KSR2: variants seen among roughly 807,000 people sequenced by gnomAD.
KSR2 encodes the protein kinase suppressor of ras 2.
Under a neutral mutation model 107.8 loss-of-function variants are expected in KSR2, and 25 were observed. That is an observed-to-expected ratio of 0.23 (90% confidence interval 0.17 to 0.32). The LOEUF is 0.32. Among genes scored for constraint, KSR2 ranks in the 10% least tolerant of loss-of-function variants. The pLI is 1.00. For synonymous variants in KSR2, 480 were observed against 507.0 expected (o/e 0.95, Z 0.71); for missense variants, 887 against 1,268.9 (o/e 0.70, Z 4.57).
At chr12:117,731,451 G>A (rs1257414048) in intron 4 of KSR2, among the ~76,000 whole-genome samples, 3 of 144,054 alleles carry the variant, frequency 2.1e-5, no homozygotes, top group Middle Eastern at 3.6e-3. Context: ...CGCCCCGTCC[G>A]GGAGGTGGGG....
At chr12:117,645,427 T>A (rs1467783066) in intron 5 of KSR2, among the ~76,000 whole-genome samples, 1 of 152,186 alleles carries the variant, frequency 6.6e-6, no homozygotes, top group African/African-American at 2.4e-5. Context: ...CAGGTGTCCC[T>A]CTTTTGATAA....
At chr12:117,509,861 G>T (rs1184112932) in intron 14 of KSR2, among the ~76,000 whole-genome samples, 1 of 152,178 alleles carries the variant, frequency 6.6e-6, no homozygotes, top group African/African-American at 2.4e-5. Flanking sequence ...CTTTTGAAGA[G>T]GACTCGAAGT....
At chr12:117,742,721 G>C (rs1301515400) in intron 4 of KSR2, among the ~76,000 whole-genome samples, 1 of 152,216 alleles carries the variant, frequency 6.6e-6, no homozygotes, top group African/African-American at 2.4e-5. Flanking sequence ...AAGAGGTAGA[G>C]GTTCCAGACT....
intron 6 of KSR2, 120 bp from the exon 7 acceptor site, chr12:117,579,322 G>T (rs189264152): frequency 1.4e-6 from 1 of 737,186 alleles, no homozygotes; most frequent in East Asian, 2.7e-5. Flanking sequence ...TGTTTCTTTC[G>T]AGCTGTGTGA....
intron 4 of KSR2, among the ~76,000 whole-genome samples, chr12:117,740,983 G>A (rs752262067): frequency 3.3e-5 from 5 of 152,162 alleles, no homozygotes; most frequent in Non-Finnish European, 5.9e-5. Context: ...AGGAAGCGGT[G>A]AGGAGGGAAA....
At chr12:117,823,105 A>C (rs1891621151) in intron 3 of KSR2, among the ~76,000 whole-genome samples, 2 of 147,910 alleles carry the variant, frequency 1.4e-5, no homozygotes, top group South Asian at 4.3e-4. Flanking sequence ...TGAGAATGGC[A>C]TTCAAGGAAC....
At chr12:117,593,864 C>T (rs1475818124) in intron 5 of KSR2, among the ~76,000 whole-genome samples, 1 of 152,240 alleles carries the variant, frequency 6.6e-6, no homozygotes, top group African/African-American at 2.4e-5. Context: ...GGAAAGAAGC[C>T]ATGACTGTAG....
At chr12:117,910,098 G>C (rs1295850169) in intron 1 of KSR2, among the ~76,000 whole-genome samples, 1 of 152,036 alleles carries the variant, frequency 6.6e-6, no homozygotes, top group Non-Finnish European at 1.5e-5. Context: ...AGGCATGGTG[G>C]TGTGTGCCTG....
chr12:117,880,754 G>A (rs1011043248), intron 1 of KSR2, among the ~76,000 whole-genome samples: 3 of 117,024 alleles, frequency 2.6e-5, no homozygotes, highest in East Asian at 2.4e-4. Flanking sequence ...TGAAACCTCC[G>A]CCTCCCAGGT....
intron 4 of KSR2, 118 bp from the exon 5 acceptor site, chr12:117,667,776 A>G (rs1281977367): frequency 2.5e-6 from 2 of 815,476 alleles, no homozygotes; most frequent in Admixed American, 3.0e-5. Context: ...GGGAGAAATT[A>G]GAAGAGCCCA....
At chr12:117,682,389 C>T (rs1436617270) in intron 4 of KSR2, among the ~76,000 whole-genome samples, 1 of 152,068 alleles carries the variant, frequency 6.6e-6, no homozygotes, top group Non-Finnish European at 1.5e-5. Flanking sequence ...TGTGACAAAC[C>T]TGCATGTCCT....
chr12:117,899,869 C>A (rs542241333), intron 1 of KSR2, among the ~76,000 whole-genome samples: 1 of 152,200 alleles, frequency 6.6e-6, no homozygotes, highest in South Asian at 2.1e-4. Flanking sequence ...CACACAGCAA[C>A]GAGCAACTTG....
chr12:117,726,632 G>T (rs1299545606), intron 4 of KSR2, among the ~76,000 whole-genome samples: 1 of 152,178 alleles, frequency 6.6e-6, no homozygotes, highest in Non-Finnish European at 1.5e-5. Flanking sequence ...TTGTCTAGGG[G>T]ACAAAATTCA....
intron 4 of KSR2, among the ~76,000 whole-genome samples, chr12:117,709,417 G>A (rs576464854): frequency 1.3e-5 from 2 of 152,148 alleles, no homozygotes; most frequent in East Asian, 3.9e-4. Flanking sequence ...CACTACTCCC[G>A]GGCTCAAGTG....
intron 1 of KSR2, among the ~76,000 whole-genome samples, chr12:117,877,808 A>T (rs1302501803): frequency 6.6e-6 from 1 of 152,158 alleles, no homozygotes; most frequent in African/African-American, 2.4e-5. Flanking sequence ...TTAAAAATAC[A>T]CATGCCAAGC....
Position 117,682,624 on chromosome 12 carries a change from G to C in KSR2, c.987-14966C>G, listed in dbSNP as rs201912867. Among the ~76,000 whole-genome samples the C allele has an allele frequency of 2.6e-5, 4 of 152,122 alleles. No homozygotes were observed. In the East Asian group the frequency reaches 7.7e-4, roughly 29 times the overall value. On this transcript the variant is annotated intron_variant, in intron 4 of 19. Transcript: ENST00000339824. ...TAGTGAGACGGGGTTTCTCCATGTT[G>C]GTCAGGCTGGTCTCAAACTCCCGAC... is the stretch of plus-strand genomic sequence containing the variant.
intron 5 of KSR2, among the ~76,000 whole-genome samples, chr12:117,643,453 A>G (rs1447532367): frequency 6.6e-6 from 1 of 152,206 alleles, no homozygotes; most frequent in Non-Finnish European, 1.5e-5. Flanking sequence ...TCTCAAAAAC[A>G]AAACAAAACA....
At chr12:117,623,191 C>T (rs1882285369) in intron 5 of KSR2, among the ~76,000 whole-genome samples, 1 of 152,206 alleles carries the variant, frequency 6.6e-6, no homozygotes, top group Non-Finnish European at 1.5e-5. Flanking sequence ...AATTCCATAA[C>T]AATATCTCAC....
At chr12:117,567,419 G>C (rs1344971725) in intron 7 of KSR2, among the ~76,000 whole-genome samples, 1 of 152,054 alleles carries the variant, frequency 6.6e-6, no homozygotes, top group Admixed American at 6.6e-5. Context: ...GGGGACAGAG[G>C]AGTAAGCAAA....
Sources: allele counts gnomAD v4.1 joint callset (sites outside exome capture counted in the v4.1 genomes callset), GRCh38; gene constraint gnomAD v4.1.1; transcripts MANE v1.5; gene names NCBI Gene and HGNC (gene_info 2026-07-23, HGNC 2026-07-21).